Variants in USP6 observed in about 807,000 individuals in gnomAD.
USP6 encodes the protein ubiquitin specific peptidase 6.
A neutral mutation model predicts 175.7 loss-of-function variants in USP6; 128 were observed. The observed-to-expected ratio is 0.73, with a 90% CI of 0.63 to 0.84. USP6 has a LOEUF of 0.84. Ranked by LOEUF, USP6 falls within the 40% of genes least tolerant of loss-of-function variation. USP6 has a pLI of 0.00. For missense variants in USP6, 1,498 were observed against 1,760.3 expected (o/e 0.85, Z 2.67); for synonymous variants, 562 against 630.6 (o/e 0.89, Z 1.63).
rs545407841 is a variant in USP6 at position 5,116,221 on chromosome 17, A to T, written c.-2447A>T. Among the ~76,000 whole-genome samples, 17 of 138,616 alleles carry T rather than the reference A, an allele frequency of 1.2e-4. No individual in the cohort carries two copies. In the East Asian group the frequency reaches 2.7e-3, roughly 22 times the overall value. 90.9% of individuals were successfully genotyped at this position (138,616 alleles called of 152,430 possible). On this transcript the variant is annotated 5_prime_UTR_variant, in exon 1 of 38. Transcript: ENST00000574788. ...GCCGCGGGCAGCGCTCGAGACGCTC[A>T]TTGAGAGGACTTCCCGCCTGCGGGC...
chr17:5,165,131 T>G (rs556318304), intron 33 of USP6, among the ~76,000 whole-genome samples: 18 of 152,340 alleles, frequency 1.2e-4, no homozygotes, highest in Admixed American at 4.6e-4. Context: ...AAATAATACC[T>G]TCAATATTGA....
rs996635332 is a variant in USP6 at position 5,168,651 on chromosome 17, G to T, written c.3229-116G>T. The T allele has an allele frequency of 4.3e-6, 6 of 1,387,332 alleles. No individual in the cohort carries two copies. In the South Asian group the frequency reaches 8.8e-5, roughly 20 times the overall value. The allele number at this position is 1,387,332 out of a possible 1,614,324, so 85.9% of individuals were successfully genotyped here. ...TGAAGTCTTTAAAAAATAATGAAGA[G>T]TAAATGTTCTGTTATATATTTCCAA... On this transcript the variant is annotated intron_variant, in intron 34 of 37. Coordinates refer to ENST00000574788, the MANE Select transcript of USP6 (RefSeq NM_001304284.2).
Position 5,170,765 on chromosome 17 carries a change from T to C in USP6, c.3804T>C (p.Asn1268=), listed in dbSNP as rs1289563918. Residue 1268 remains asparagine (N), a synonymous_variant, in exon 36 of 38, where the codon AAT becomes AAC. Coordinates refer to ENST00000574788, the MANE Select transcript of USP6 (RefSeq NM_001304284.2). ...TPQDHEVALA[N]GFLYEHEACG... The stretch of plus-strand genomic sequence containing the variant: ...AGGACCATGAGGTAGCTTTGGCCAA[T>C]GGATTCCTTTATGAGCATGAAGCAT... The C allele has an allele frequency of 1.2e-6, 2 of 1,613,848 alleles. No individual in the cohort carries two copies. Among genetic ancestry groups the C allele is most frequent in the Non-Finnish European group, 1.7e-6 (2 of 1,179,868 alleles).
chr17:5,162,852 T>C, intron 32 of USP6, 32 bp from the exon 33 acceptor site: 1 of 1,580,786 alleles, frequency 6.3e-7, no homozygotes, highest in Admixed American at 2.1e-5. Flanking sequence ...CATAATTATT[T>C]CTTCCTCTGT....
chr17:5,143,932 G>GA (rs894117309), intron 25 of USP6, among the ~76,000 whole-genome samples: 14 of 150,764 alleles, frequency 9.3e-5, no homozygotes, highest in Admixed American at 2.0e-4. Flanking sequence ...TCTCCAAAAA[G>GA]AAAAAAAAGT....
chr17:5,153,865 A>G (rs1173306280), intron 30 of USP6, among the ~76,000 whole-genome samples: 1 of 152,022 alleles, frequency 6.6e-6, no homozygotes, highest in African/African-American at 2.4e-5. Flanking sequence ...CGTATTGGCC[A>G]GGCTGGTCTC....
At position 5,170,827 on chromosome 17, in the gene USP6, A is replaced by G; in HGVS notation, c.3866A>G (p.Gln1289Arg). 1.2e-6 allele frequency: 2 copies of G among 1,613,364 alleles called. No individual in the cohort carries two copies. The highest frequency in any genetic ancestry group is 1.7e-6 in the Non-Finnish European group (2 of 1,179,880). ...NGCGDGYSNG[Q>R]LGNHSEEDST... is the part of the protein sequence containing the mutation. ...TGTGGCGATGGCTACAGCAATGGTC[A>G]GCTTGGAAACCACAGTGAAGAAGAC... Residue 1289 changes from glutamine to arginine, a missense_variant, in exon 36 of 38, where the codon CAG becomes CGG. This residue lies in a region of USP6 where 1,217 missense variants were observed against 1,500.8 expected (regional missense o/e 0.81). Coordinates refer to ENST00000574788, the MANE Select transcript of USP6 (RefSeq NM_001304284.2).
At chr17:5,164,278 A>G (rs565739148) in intron 33 of USP6, among the ~76,000 whole-genome samples, 1 of 152,208 alleles carries the variant, frequency 6.6e-6, no homozygotes, top group Non-Finnish European at 1.5e-5. Flanking sequence ...ATCCCAAAAT[A>G]TGCCCCACAC....
At chr17:5,127,976 G>A (rs1410448450) in intron 7 of USP6, among the ~76,000 whole-genome samples, 1 of 152,160 alleles carries the variant, frequency 6.6e-6, no homozygotes, top group Non-Finnish European at 1.5e-5. Context: ...TCCCAGATAC[G>A]AGGGCCAAGT....
At chr17:5,169,434 A>T (rs1024984679) in intron 35 of USP6, among the ~76,000 whole-genome samples, 2 of 151,844 alleles carry the variant, frequency 1.3e-5, no homozygotes, top group African/African-American at 4.8e-5. Context: ...TTATTTATTT[A>T]TTTTATTTTT....
At position 5,120,710 on chromosome 17, in the gene USP6, C is replaced by T. The variant is rs1300144037; in HGVS notation, c.-1753C>T. On this transcript the variant is annotated 5_prime_UTR_variant, in exon 3 of 38. Coordinates refer to ENST00000574788, the MANE Select transcript of USP6 (RefSeq NM_001304284.2). ...TGCCTGGAGTGAACCTGAGCTGGAT[C>T]CTGAATGAGATGCATGACCAGGACA... The T allele has an allele frequency of 4.7e-6, 2 of 425,688 alleles. No individual in the cohort carries two copies. Among genetic ancestry groups the T allele is most frequent in the Non-Finnish European group, 9.4e-6 (2 of 213,060 alleles). 26.4% of individuals were successfully genotyped at this position (425,688 alleles called of 1,614,324 possible).
At position 5,135,837 on chromosome 17, in the gene USP6, C is replaced by T. The variant is rs1222174999; in HGVS notation, c.573C>T (p.His191=). 6.3e-7 allele frequency: 1 copy of T among 1,598,930 alleles called. No homozygotes were observed. The highest frequency in any genetic ancestry group is 8.5e-7 in the Non-Finnish European group (1 of 1,179,780). ...TGGGCTACTGCAGGGACCTGAGCCACATCACCGCCTTGTTCCTCCTTTATC... is the reference window on the plus strand; with the variant it reads ...TGGGCTACTGCAGGGACCTGAGCCATATCACCGCCTTGTTCCTCCTTTATC... The part of the protein sequence containing the change: ...PEVGYCRDLS[H]ITALFLLYLP... Residue 191 remains histidine (H), a synonymous_variant, in exon 17 of 38, where the codon CAC becomes CAT. Transcript: ENST00000574788.
chr17:5,165,646 C>T (rs1223196313), intron 33 of USP6, among the ~76,000 whole-genome samples: 1 of 152,050 alleles, frequency 6.6e-6, no homozygotes, highest in Admixed American at 6.6e-5. Flanking sequence ...ATTCTTAGGC[C>T]TCTCTCTTTA....
chr17:5,131,828 G>A (rs1337748887), intron 11 of USP6, among the ~76,000 whole-genome samples: 1 of 151,864 alleles, frequency 6.6e-6, no homozygotes, highest in Non-Finnish European at 1.5e-5. Flanking sequence ...GGGAGCTGAT[G>A]AGCCGTGCCA....
chr17:5,124,546 C>T lies in USP6; in HGVS notation c.-1298-20C>T, dbSNP rs2072829503. The T allele has an allele frequency of 6.6e-6, 1 of 152,334 alleles. No individual in the cohort carries two copies. The highest frequency in any genetic ancestry group is 2.1e-4 in the South Asian group (1 of 4,838). 9.4% of individuals were successfully genotyped at this position (152,334 alleles called of 1,614,324 possible). ...CAAGTCTCCTCTTCTGAGCCCTCAC[C>T]AGAATCACCCTTAATGAAGAGTCAC... On this transcript the variant is annotated intron_variant, in intron 4 of 37. Transcript: ENST00000574788.
intron 31 of USP6, among the ~76,000 whole-genome samples, chr17:5,158,746 A>G (rs2073948576): frequency 6.6e-6 from 1 of 152,002 alleles, no homozygotes; most frequent in African/African-American, 2.4e-5. Context: ...GAAAGGAGTG[A>G]TAGTTGTTTC....
chr17:5,171,784 T>C, intron 37 of USP6, 105 bp downstream of exon 37: 1 of 1,220,184 alleles, frequency 8.2e-7, no homozygotes, highest in African/African-American at 1.5e-5. Context: ...ATATTTCTGT[T>C]AGAATTAATA....
chr17:5,161,668 T>C, intron 32 of USP6, 54 bp downstream of exon 32: 7 of 1,585,340 alleles, frequency 4.4e-6, no homozygotes, highest in Middle Eastern at 1.7e-4. Flanking sequence ...TTAGATATTA[T>C]ACAATTTTCC....
At position 5,137,255 on chromosome 17, in the gene USP6, C is replaced by T. The variant is rs984098538; in HGVS notation, c.825+69C>T. 3.2e-5 allele frequency: 50 copies of T among 1,580,554 alleles called. No homozygotes were observed. The East Asian group carries it at 8.3e-4, about 26-fold the overall frequency. On this transcript the variant is annotated intron_variant, in intron 19 of 37. Coordinates refer to ENST00000574788, the MANE Select transcript of USP6 (RefSeq NM_001304284.2). ...CCTGCAGTGCCGTGCTTCCCCAGCC[C>T]GGGGGTCTGGCTCACTCCCAGCCCA...
Sources: gnomAD v4.1 joint callset for allele counts (sites outside exome capture counted in the v4.1 genomes callset) on GRCh38, gnomAD v4.1.1 for gene constraint, gnomAD v4.1.1 regional missense constraint, MANE v1.5 for transcripts, NCBI Gene and HGNC (gene_info 2026-07-23, HGNC 2026-07-21) for gene names.